Variants in PLK5 observed in about 807,000 individuals in gnomAD.
The protein encoded by PLK5 is inactive serine/threonine-protein kinase PLK5.
PLK5 carries 28 observed loss-of-function variants against 33.7 expected under a neutral mutation model. The observed-to-expected ratio is 0.83, with a 90% CI of 0.62 to 1.14. The LOEUF is 1.14. PLK5 is among the 50% of genes most tolerant of loss of function. The pLI, the probability that PLK5 is intolerant of heterozygous loss-of-function variation, is 0.00. For missense variants in PLK5, 492 were observed against 461.5 expected, an observed-to-expected ratio of 1.07 and a Z score of -0.61; for synonymous variants, 225 against 202.2, an observed-to-expected ratio of 1.11 and a Z score of -0.96.
In PLK5 at chr19:1,535,504, G is replaced by A. The variant is rs1274273902; in HGVS notation, c.*254G>A. The A allele has an allele frequency of 6.1e-6, 3 of 494,908 alleles. No individual in the cohort carries two copies. The African/African-American group carries it at 6.1e-5, about 10-fold the overall frequency. 30.7% of individuals were successfully genotyped at this position (494,908 alleles called of 1,614,324 possible). A position where few individuals can be genotyped will look rare whatever the true frequency, so the allele number is the denominator to read the frequency against. On this transcript the variant is annotated 3_prime_UTR_variant, in exon 14 of 14. Coordinates refer to ENST00000454744, the MANE Select transcript of PLK5 (RefSeq NM_001243079.2). ...GGGGGAAAGCGTTTGAGGAGCTTTG[G>A]CAAAGAAACGTTGACCCCACGTGAC...
In PLK5 at chr19:1,528,986, G is replaced by C; in HGVS notation, c.405+12G>C. 6.7e-7 allele frequency: 1 copy of C among 1,496,860 alleles called. No homozygotes were observed. Among genetic ancestry groups the C allele is most frequent in the Non-Finnish European group, 8.9e-7 (1 of 1,128,550 alleles). 92.7% of individuals were successfully genotyped at this position (1,496,860 alleles called of 1,614,324 possible). On this transcript the variant is annotated intron_variant, in intron 9 of 13. Transcript: ENST00000454744. The stretch of plus-strand genomic sequence containing the variant: ...AGTGGGACGGCGAGGTGAGACATCG[G>C]GGTGGGGGACACGGGGAGACACAGG...
chr19:1,530,453 A>C (rs1913894067), intron 11 of PLK5, among the ~76,000 whole-genome samples: 1 of 151,396 alleles, frequency 6.6e-6, no homozygotes, highest in Non-Finnish European at 1.5e-5. Flanking sequence ...GTGTGCCACC[A>C]CACCTGCTAA....
rs550120225 is a variant in PLK5 at position 1,535,172 on chromosome 19, C to T, written c.933C>T (p.Asp311=). Residue 311 remains aspartate (D), a synonymous_variant, in exon 14 of 14, where the codon GAC becomes GAT. Transcript: ENST00000454744. ...CCCCTGGCACCTCCTACTCCCTGGACGTCCCGCGGAGCCACGGCTGCGCCC... is the reference window on the plus strand; with the variant it reads ...CCCCTGGCACCTCCTACTCCCTGGATGTCCCGCGGAGCCACGGCTGCGCCC... ...QGSPGTSYSL[D]VPRSHGCAPT... 4.3e-5 allele frequency: 66 copies of T among 1,532,958 alleles called. No individual in the cohort carries two copies. The highest frequency in any genetic ancestry group is 1.2e-4 in the South Asian group (10 of 83,800). 95.0% of individuals were successfully genotyped at this position (1,532,958 alleles called of 1,614,324 possible).
intron 7 of PLK5, 42 bp from the exon 8 acceptor site, chr19:1,528,260 G>C (rs747896758): frequency 3.9e-6 from 6 of 1,535,726 alleles, no homozygotes; most frequent in Non-Finnish European, 8.7e-7. Context: ...CTCAGGGGCT[G>C]GGTGACCTAA....
chr19:1,535,272 A>AC lies in PLK5; in HGVS notation c.*26dup, dbSNP rs1914065210. 6.5e-7 allele frequency: 1 copy of AC among 1,527,992 alleles called. No homozygotes were observed. The highest frequency in any genetic ancestry group is 2.0e-5 in the Admixed American group (1 of 49,674). The allele number at this position is 1,527,992 out of a possible 1,614,324, so 94.7% of individuals were successfully genotyped here. On this transcript the variant is annotated 3_prime_UTR_variant, in exon 14 of 14. Transcript: ENST00000454744. Reference sequence around the variant, plus strand: ...CTAGTGCCCCTGAGGGTCAGAGTGGACCCCTGCATGGTAGTGCCAGGGACC... The same window carrying AC: ...CTAGTGCCCCTGAGGGTCAGAGTGGACCCCCTGCATGGTAGTGCCAGGGACC...
rs1914070208 is a variant in PLK5 at position 1,535,426 on chromosome 19, CT to C, written c.*181del. ...ACCCAGACTTTGCTGGGATCTCTTC[CT>C]TTTTCATTAAAGACAATTTGAAATG... On this transcript the variant is annotated 3_prime_UTR_variant, in exon 14 of 14. Coordinates refer to ENST00000454744, the MANE Select transcript of PLK5 (RefSeq NM_001243079.2). The C allele has an allele frequency of 4.7e-6, 3 of 631,712 alleles. No homozygotes were observed. Among genetic ancestry groups the C allele is most frequent in the Non-Finnish European group, 5.1e-6 (2 of 395,048 alleles). 39.1% of individuals were successfully genotyped at this position (631,712 alleles called of 1,614,324 possible). A position where few individuals can be genotyped will look rare whatever the true frequency, so the allele number is the denominator to read the frequency against.
Position 1,529,802 on chromosome 19 carries a change from G to C in PLK5, c.546G>C (p.Leu182=), listed in dbSNP as rs1568253611. ...EVEAALRHLQ[L]CLDVGPPATQ... ...AGGCGGCCCTCAGACACCTGCAGCTGTGCCTGGATGTAGGCCCCCCGGGTA... is the reference window on the plus strand; with the variant it reads ...AGGCGGCCCTCAGACACCTGCAGCTCTGCCTGGATGTAGGCCCCCCGGGTA... Residue 182 remains leucine (L), a synonymous_variant, in exon 11 of 14, where the codon CTG becomes CTC. Transcript: ENST00000454744. 1.1e-5 allele frequency: 17 copies of C among 1,535,956 alleles called. No homozygotes were observed. The highest frequency in any genetic ancestry group is 1.7e-4 in the Middle Eastern group (1 of 5,986).
intron 12 of PLK5, among the ~76,000 whole-genome samples, chr19:1,533,490 C>G (rs551086270): frequency 2.6e-5 from 4 of 151,816 alleles, no homozygotes; most frequent in African/African-American, 7.3e-5. Flanking sequence ...TGCTGGTGAC[C>G]GGGGAGGGAT....
At chr19:1,530,287 TCTTTTC>T (rs1439597387) in intron 11 of PLK5, among the ~76,000 whole-genome samples, 13 of 152,050 alleles carry the variant, frequency 8.5e-5, no homozygotes, top group African/African-American at 2.7e-4. Flanking sequence ...AGAAGCCTTT[TCTTTTC>T]CTTTTCTTTC....
In PLK5 at chr19:1,526,917, C is replaced by A. The variant is rs975795863; in HGVS notation, c.-80C>A. On this transcript the variant is annotated 5_prime_UTR_variant, in exon 6 of 14. Transcript: ENST00000454744. ...GCCCTTCCTAGAGTACTCTGTGGGA[C>A]CCCTAACTTCCTGGACCCTGAGGTT... The A allele has an allele frequency of 4.7e-6, 7 of 1,493,142 alleles. No individual in the cohort carries two copies. In the African/African-American group the frequency reaches 5.6e-5, roughly 12 times the overall value. The allele number at this position is 1,493,142 out of a possible 1,614,324, so 92.5% of individuals were successfully genotyped here. A position where few individuals can be genotyped will look rare whatever the true frequency, so the allele number is the denominator to read the frequency against.
At chr19:1,533,428 A>G (rs971556147) in intron 12 of PLK5, among the ~76,000 whole-genome samples, 1 of 152,122 alleles carries the variant, frequency 6.6e-6, no homozygotes, top group African/African-American at 2.4e-5. Flanking sequence ...CATGGGGGCC[A>G]GTGGGGAGGT....
intron 12 of PLK5, 114 bp downstream of exon 12, chr19:1,531,997 C>A: frequency 8.3e-7 from 1 of 1,209,130 alleles, no homozygotes; most frequent in Non-Finnish European, 1.1e-6. Context: ...TGCTCCCTGC[C>A]TGGTCGGGGA....
rs10425440 is a variant in PLK5 at position 1,533,835 on chromosome 19, G to A, written c.715-96G>A. 0.012 allele frequency: 11,520 copies of A among 982,920 alleles called. 847 individuals carry two copies. The African/African-American group carries it at 0.16, about 14-fold the overall frequency. The allele number at this position is 982,920 out of a possible 1,614,324, so 60.9% of individuals were successfully genotyped here. Reference sequence around the variant, plus strand: ...CAGCTCTTTGCCGGCTGCCTGCGGCGGCGGCTGCGGGAGGTGAGAGCTGGG... The same window carrying A: ...CAGCTCTTTGCCGGCTGCCTGCGGCAGCGGCTGCGGGAGGTGAGAGCTGGG... On this transcript the variant is annotated intron_variant, in intron 12 of 13. Coordinates refer to ENST00000454744, the MANE Select transcript of PLK5 (RefSeq NM_001243079.2).
intron 7 of PLK5, 34 bp downstream of exon 7, chr19:1,528,168 G>A (rs935382815): frequency 1.4e-5 from 22 of 1,528,950 alleles, no homozygotes; most frequent in South Asian, 2.4e-5. Context: ...GGTCCCTGGC[G>A]TGGGGTCCCT....
rs1490572757 is a variant in PLK5, at chr19:1,535,530, G to A, written c.*280G>A. The A allele has an allele frequency of 2.5e-5, 11 of 445,210 alleles. No homozygotes were observed. Among genetic ancestry groups the A allele is most frequent in the Middle Eastern group, 5.8e-4 (1 of 1,720 alleles). The allele number at this position is 445,210 out of a possible 1,614,324, so 27.6% of individuals were successfully genotyped here. A position where few individuals can be genotyped will look rare whatever the true frequency, so the allele number is the denominator to read the frequency against. On this transcript the variant is annotated 3_prime_UTR_variant, in exon 14 of 14. Coordinates refer to ENST00000454744, the MANE Select transcript of PLK5 (RefSeq NM_001243079.2). Reference sequence around the variant, plus strand: ...CAAAGAAACGTTGACCCCACGTGACGTTGCATCCTCCCTGTTTCTCTTAGT... The same window carrying A: ...CAAAGAAACGTTGACCCCACGTGACATTGCATCCTCCCTGTTTCTCTTAGT...
chr19:1,531,850 ACGGCACCCACATGGCCCTGCGACCCCC>A lies in PLK5; in HGVS notation c.685_711del (p.His229_Arg237del), dbSNP rs765658207. 177 of 1,522,744 alleles carry A rather than the reference ACGGCACCCACATGGCCCTGCGACCCCC, an allele frequency of 1.2e-4. No individual in the cohort carries two copies. The highest frequency in any genetic ancestry group is 1.5e-4 in the Non-Finnish European group (170 of 1,140,346). The allele number at this position is 1,522,744 out of a possible 1,614,324, so 94.3% of individuals were successfully genotyped here. A position where few individuals can be genotyped will look rare whatever the true frequency, so the allele number is the denominator to read the frequency against. On this transcript the variant is annotated inframe_deletion, in exon 12 of 14. Coordinates refer to ENST00000454744, the MANE Select transcript of PLK5 (RefSeq NM_001243079.2). ...AGCTCTTGGACGGGGGGCGCACGGG[ACGGCACCCACATGGCCCTGCGACCCCC>A]CGGAGGGTAAGTTGTGGCCTCCTGT...
Position 1,529,763 on chromosome 19 carries a change from GC to G in PLK5, c.508del (p.Arg170GlyfsTer17). On this transcript the variant is annotated frameshift_variant, in exon 11 of 14. Transcript: ENST00000454744. LOFTEE classifies it high-confidence loss of function. ...SDLAGPEGSR[R>X]PEVEAALRHL... ...TCTTCCCAGGGCCCGAGGGGAGCCG[GC>G]GGCCAGAGGTGGAGGCGGCCCTCAG... 1 of 1,536,058 alleles carries G rather than the reference GC, an allele frequency of 6.5e-7. No homozygotes were observed. The highest frequency in any genetic ancestry group is 2.4e-5 in the East Asian group (1 of 40,920).
rs971530957 is a variant in PLK5, at chr19:1,528,918, G to A, written c.349G>A (p.Ala117Thr). 4 of 1,519,426 alleles carry A rather than the reference G, an allele frequency of 2.6e-6. No individual in the cohort carries two copies. The Admixed American group carries it at 6.3e-5, about 24-fold the overall frequency. 94.1% of individuals were successfully genotyped at this position (1,519,426 alleles called of 1,614,324 possible). The part of the protein sequence containing the change: ...RPPCPFTPKE[A>T]SGPGEGGPDP... Reference sequence around the variant, plus strand: ...CTCAGGCCCCTTCACGCCTAAAGAGGCCTCGGGTCCAGGAGAAGGTGGGCC... The same window carrying A: ...CTCAGGCCCCTTCACGCCTAAAGAGACCTCGGGTCCAGGAGAAGGTGGGCC... Residue 117 changes from alanine (A) to threonine (T), a missense_variant, in exon 9 of 14, where the codon GCC (alanine) becomes ACC (threonine). Coordinates refer to ENST00000454744, the MANE Select transcript of PLK5 (RefSeq NM_001243079.2).
In PLK5 at chr19:1,525,880, A is replaced by T. The variant is rs1448507837; in HGVS notation, c.-313+169A>T. Among the ~76,000 whole-genome samples the T allele has an allele frequency of 2.6e-5, 4 of 151,840 alleles. No homozygotes were observed. In the East Asian group the frequency reaches 7.8e-4, roughly 29 times the overall value. ...GTAGGGCCAATTGTGTCCATCCTTT[A>T]CTCACCTGGGCACACCCAGGCTCTC... is the stretch of plus-strand genomic sequence containing the variant. On this transcript the variant is annotated intron_variant, in intron 3 of 13. Transcript: ENST00000454744.
Sources: gnomAD v4.1 joint callset for allele counts (sites outside exome capture counted in the v4.1 genomes callset) on GRCh38, gnomAD v4.1.1 for gene constraint, MANE v1.5 for transcripts, NCBI Gene and HGNC (gene_info 2026-07-23, HGNC 2026-07-21) for gene names.